The following CHCHD3 variants were observed in gnomAD, a reference collection of about 807,000 sequenced individuals.
CHCHD3 encodes coiled-coil-helix-coiled-coil-helix domain containing 3, also known as MICOS complex subunit MIC19.
Under a neutral mutation model 38.2 loss-of-function variants are expected in CHCHD3, and 20 were observed. The observed-to-expected ratio is 0.52, with a 90% CI of 0.37 to 0.76. The LOEUF (loss-of-function observed/expected upper bound fraction) is 0.76, where lower values mean the gene tolerates loss of function less well. Ranked by LOEUF, CHCHD3 falls within the 30% of genes least tolerant of loss-of-function variation. The pLI, the probability that CHCHD3 is intolerant of heterozygous loss-of-function variation, is 0.00. For missense variants in CHCHD3, 245 were observed against 279.2 expected, an observed-to-expected ratio of 0.88 and a Z score of 0.87; for synonymous variants, 82 against 100.0, an observed-to-expected ratio of 0.82 and a Z score of 1.07.
intron 4 of CHCHD3, among the ~76,000 whole-genome samples, chr7:132,916,323 A>G (rs1810104574): frequency 6.6e-6 from 1 of 152,218 alleles, no homozygotes; most frequent in Admixed American, 6.5e-5. Context: ...AAACTGATAT[A>G]AATGAAATCT....
intron 4 of CHCHD3, among the ~76,000 whole-genome samples, chr7:132,932,846 T>C (rs1385187905): frequency 2.0e-5 from 3 of 152,166 alleles, no homozygotes; most frequent in African/African-American, 7.2e-5. Flanking sequence ...GACCTCAAAA[T>C]CATTCCCCAT....
chr7:132,896,346 T>C (rs1809496104), intron 4 of CHCHD3, among the ~76,000 whole-genome samples: 1 of 152,226 alleles, frequency 6.6e-6, no homozygotes, highest in African/African-American at 2.4e-5. Flanking sequence ...TTAACATTTG[T>C]TCTGCTTGGG....
chr7:132,930,091 T>C (rs932057703), intron 4 of CHCHD3, among the ~76,000 whole-genome samples: 7 of 151,994 alleles, frequency 4.6e-5, no homozygotes, highest in Non-Finnish European at 1.0e-4. Context: ...GTGATTCTTA[T>C]CAGTCTTCAA....
intron 5 of CHCHD3, among the ~76,000 whole-genome samples, chr7:132,873,705 A>C (rs1287623589): frequency 6.6e-6 from 1 of 152,118 alleles, no homozygotes; most frequent in Non-Finnish European, 1.5e-5. Flanking sequence ...TTTTGGGATA[A>C]TATATGAAGT....
At position 132,871,716 on chromosome 7, in the gene CHCHD3, A is replaced by C. The variant is rs752252945; in HGVS notation, c.453+13946T>G. Among the ~76,000 whole-genome samples, 79 of 152,160 alleles carry C rather than the reference A, an allele frequency of 5.2e-4. 3 individuals carry two copies. The highest frequency in any genetic ancestry group is 6.5e-5 in the Admixed American group (1 of 15,270). ...TATTAGGAAGTAGCAAGCAAGGAGG[A>C]GTGATGAGATGTTACAGGTAAACTG... On this transcript the variant is annotated intron_variant, in intron 5 of 7. Coordinates refer to ENST00000262570, the MANE Select transcript of CHCHD3 (RefSeq NM_017812.4).
At chr7:132,840,979 T>C (rs766856615) in intron 5 of CHCHD3, among the ~76,000 whole-genome samples, 3 of 151,898 alleles carry the variant, frequency 2.0e-5, no homozygotes, top group Admixed American at 6.6e-5. Context: ...ACTTAGCACA[T>C]AGTTCTCAAA....
intron 1 of CHCHD3, among the ~76,000 whole-genome samples, chr7:133,077,444 T>C (rs1372351378): frequency 6.6e-6 from 1 of 152,206 alleles, no homozygotes; most frequent in Non-Finnish European, 1.5e-5. Flanking sequence ...TAAGTATCCA[T>C]ACTGCCATAA....
intron 3 of CHCHD3, among the ~76,000 whole-genome samples, chr7:132,992,863 T>C (rs1385450203): frequency 2.0e-5 from 3 of 152,192 alleles, no homozygotes; most frequent in Non-Finnish European, 4.4e-5. Context: ...TAAAAATAAC[T>C]GGTGTGTTTG....
At chr7:132,814,310 G>A (rs1008387717) in intron 6 of CHCHD3, among the ~76,000 whole-genome samples, 4 of 152,092 alleles carry the variant, frequency 2.6e-5, no homozygotes, top group African/African-American at 9.7e-5. Context: ...TAAAATGTTG[G>A]GTAACATTTC....
chr7:132,972,087 G>A (rs951669000), intron 4 of CHCHD3, among the ~76,000 whole-genome samples: 6 of 152,076 alleles, frequency 3.9e-5, no homozygotes, highest in African/African-American at 1.4e-4. Context: ...TATGGGGAAG[G>A]GAGAAAGAAC....
intron 1 of CHCHD3, among the ~76,000 whole-genome samples, chr7:133,074,712 TTAAAGC>T (rs1446309160): frequency 6.6e-6 from 1 of 152,218 alleles, no homozygotes; most frequent in Non-Finnish European, 1.5e-5. Context: ...TTTTAGAATC[TTAAAGC>T]TATTTTAACT....
chr7:132,975,792 G>T (rs934961308), intron 3 of CHCHD3, among the ~76,000 whole-genome samples: 2 of 152,076 alleles, frequency 1.3e-5, no homozygotes, highest in African/African-American at 2.4e-5. Flanking sequence ...TTCGCTGGGC[G>T]TGGTGATACA....
rs1005146883 is a variant in CHCHD3 at position 132,963,322 on chromosome 7, ATTTTTTTTT to A, written c.369+11838_369+11846del. On this transcript the variant is annotated intron_variant, in intron 4 of 7. Coordinates refer to ENST00000262570, the MANE Select transcript of CHCHD3 (RefSeq NM_017812.4). The stretch of plus-strand genomic sequence containing the variant: ...TTAAGAAAGGAATTTTAAAATTGTA[ATTTTTTTTT>A]TTTTTTTTTTTTTTTTTTTGCCAGG... Among the ~76,000 whole-genome samples, 6 of 87,572 alleles carry A rather than the reference ATTTTTTTTT, an allele frequency of 6.9e-5. No individual in the cohort carries two copies. In the South Asian group the frequency reaches 2.8e-3, roughly 41 times the overall value. 57.5% of individuals were successfully genotyped at this position (87,572 alleles called of 152,430 possible).
chr7:132,895,643 T>A (rs113723839), intron 4 of CHCHD3, among the ~76,000 whole-genome samples: 2,743 of 152,326 alleles, frequency 0.018, 100 homozygotes, highest in African/African-American at 0.062. Context: ...TGAATAAGTC[T>A]CATGAGATAT....
chr7:132,811,059 G>A (rs1807058001), intron 6 of CHCHD3, among the ~76,000 whole-genome samples: 1 of 151,932 alleles, frequency 6.6e-6, no homozygotes, highest in Admixed American at 6.6e-5. Context: ...GTGCTGGCCT[G>A]TTGTTTCATT....
rs1809907154 is a variant in CHCHD3, at chr7:132,910,193, C to A, written c.370-24448G>T. 1.3e-5 allele frequency among the ~76,000 whole-genome samples: 2 copies of A among 152,174 alleles called. 1 individual carries two copies. The highest frequency in any genetic ancestry group is 4.1e-4 in the South Asian group (2 of 4,828). On this transcript the variant is annotated intron_variant, in intron 4 of 7. Transcript: ENST00000262570. ...ATTAAGGGCGGCCCTGGAACCCATC[C>A]ACTGTGTATACCTAGGGACAACTGT...
chr7:132,812,406 A>G (rs1807095808), intron 6 of CHCHD3, among the ~76,000 whole-genome samples: 1 of 151,164 alleles, frequency 6.6e-6, no homozygotes, highest in Non-Finnish European at 1.5e-5. Flanking sequence ...ATGGGGTTTC[A>G]CCATGTTGGC....
chr7:133,056,352 C>T (rs546325511), intron 2 of CHCHD3, among the ~76,000 whole-genome samples: 4 of 152,252 alleles, frequency 2.6e-5, no homozygotes, highest in African/African-American at 7.2e-5. Context: ...GCACATCATC[C>T]TTCTCCCAAG....
chr7:132,850,730 G>A (rs150214410), intron 5 of CHCHD3, among the ~76,000 whole-genome samples: 32 of 152,216 alleles, frequency 2.1e-4, no homozygotes, highest in African/African-American at 7.0e-4. Flanking sequence ...GAATGGCCCT[G>A]CTTTTATGAA....
Sources: allele counts gnomAD v4.1 joint callset (sites outside exome capture counted in the v4.1 genomes callset), GRCh38; gene constraint gnomAD v4.1.1; transcripts MANE v1.5; gene names NCBI Gene and HGNC (gene_info 2026-07-23, HGNC 2026-07-21).